CDH4: variants seen among roughly 807,000 people sequenced by gnomAD.
The protein encoded by CDH4 is cadherin-4.
CDH4 carries 33 observed loss-of-function variants against 86.0 expected under a neutral mutation model. The observed-to-expected ratio is 0.38, with a 90% CI of 0.29 to 0.51. The LOEUF is 0.51. Ranked by LOEUF, CDH4 falls within the 20% of genes least tolerant of loss-of-function variation. The pLI is 0.86. For missense variants in CDH4, 1,114 were observed against 1,307.4 expected (o/e 0.85, Z 2.28); for synonymous variants, 555 against 549.4 (o/e 1.01, Z -0.14).
At chr20:61,680,283 G>A (rs892449922) in intron 2 of CDH4, among the ~76,000 whole-genome samples, 2 of 152,208 alleles carry the variant, frequency 1.3e-5, no homozygotes, top group African/African-American at 4.8e-5. Flanking sequence ...TGCCAGGCTG[G>A]GACTAAGACG....
chr20:61,933,480 A>G (rs2055139391), intron 14 of CDH4, among the ~76,000 whole-genome samples: 1 of 152,184 alleles, frequency 6.6e-6, no homozygotes, highest in Non-Finnish European at 1.5e-5. Context: ...GACCAGGGGC[A>G]GTGCACCAGG....
chr20:61,630,166 C>T (rs552231550), intron 2 of CDH4, among the ~76,000 whole-genome samples: 52 of 152,342 alleles, frequency 3.4e-4, no homozygotes, highest in South Asian at 2.3e-3. Flanking sequence ...GGACCTCAGC[C>T]ACCATCCCCA....
intron 7 of CDH4, among the ~76,000 whole-genome samples, chr20:61,883,097 A>T (rs1046178180): frequency 7.8e-6 from 1 of 128,564 alleles, no homozygotes. Flanking sequence ...TTCCCCCGGC[A>T]CCCCAAGCCC....
chr20:61,706,226 C>G (rs1327182668), intron 2 of CDH4, among the ~76,000 whole-genome samples: 1 of 152,172 alleles, frequency 6.6e-6, no homozygotes, highest in East Asian at 1.9e-4. Flanking sequence ...AGGACCCTGT[C>G]TCAGAGGGTC....
At chr20:61,680,826 C>A (rs1265482808) in intron 2 of CDH4, among the ~76,000 whole-genome samples, 1 of 152,024 alleles carries the variant, frequency 6.6e-6, no homozygotes, top group Non-Finnish European at 1.5e-5. Context: ...TCCTGAGTTC[C>A]CCCCTGTGTC....
chr20:61,258,329 C>CAAAAAAAAAA (rs778048684), intron 2 of CDH4, among the ~76,000 whole-genome samples: 5,788 of 62,068 alleles, frequency 0.093, 609 homozygotes, highest in African/African-American at 0.15. Flanking sequence ...GACTCCGTCT[C>CAAAAAAAAAA]AAAAAAAAAA....
intron 4 of CDH4, among the ~76,000 whole-genome samples, chr20:61,776,587 G>A (rs562676209): frequency 8.5e-5 from 13 of 152,320 alleles, no homozygotes; most frequent in African/African-American, 2.9e-4. Context: ...TGCCCAGAAC[G>A]TCACTGCAGA....
At chr20:61,642,616 A>C (rs1033639954) in intron 2 of CDH4, among the ~76,000 whole-genome samples, 4 of 152,246 alleles carry the variant, frequency 2.6e-5, no homozygotes, top group Non-Finnish European at 5.9e-5. Context: ...TGAAGGCAGA[A>C]ATAAAAGTCC....
intron 2 of CDH4, among the ~76,000 whole-genome samples, chr20:61,350,800 A>T (rs2084707762): frequency 6.6e-6 from 1 of 152,262 alleles, no homozygotes; most frequent in Non-Finnish European, 1.5e-5. Flanking sequence ...TATGGGAAAG[A>T]TGATGCTGTG....
chr20:61,516,497 A>C lies in CDH4; in HGVS notation c.170-227066A>C, dbSNP rs1193148711. Among the ~76,000 whole-genome samples, 1 of 152,082 alleles carries C rather than the reference A, an allele frequency of 6.6e-6. No individual in the cohort carries two copies. The highest frequency in any genetic ancestry group is 2.4e-5 in the African/African-American group (1 of 41,420). On this transcript the variant is annotated intron_variant, in intron 2 of 15. Coordinates refer to ENST00000614565, the MANE Select transcript of CDH4 (RefSeq NM_001794.5). This position sits in a 1 kb window ranked among gnomAD's most constrained non-coding sequence, Gnocchi z 4.0. ...GCCCCAGAGGTCAAGCCAGATGTCC[A>C]TGTTGGGGAGTCTAACGGCAGGTTC...
intron 14 of CDH4, 141 bp from the exon 15 acceptor site, chr20:61,933,915 A>C (rs1198626893): frequency 2.3e-5 from 21 of 913,094 alleles, no homozygotes; most frequent in Non-Finnish European, 3.4e-5. Flanking sequence ...AGGGGACAGC[A>C]TGGTTCTGTG....
At chr20:61,484,079 C>T (rs575890504) in intron 2 of CDH4, among the ~76,000 whole-genome samples, 19 of 152,040 alleles carry the variant, frequency 1.2e-4, no homozygotes, top group Non-Finnish European at 2.5e-4. Context: ...TAAAGCATAG[C>T]CTTCGTCAAG....
chr20:61,429,441 A>G (rs1434418645), intron 2 of CDH4, among the ~76,000 whole-genome samples: 1 of 152,194 alleles, frequency 6.6e-6, no homozygotes, highest in African/African-American at 2.4e-5. Context: ...AGAGAGCGCA[A>G]CACCCAGTGA....
rs182233199 is a variant in CDH4, at chr20:61,918,802, G to A, written c.1375-4649G>A. Among the ~76,000 whole-genome samples, 36 of 152,278 alleles carry A rather than the reference G, an allele frequency of 2.4e-4. 1 individual carries two copies. Among genetic ancestry groups the A allele is most frequent in the African/African-American group, 7.5e-4 (31 of 41,554 alleles). ...TCTGCCACTCCCTGCAGACCCTCCTGGAGGCAGTCATGGGCTTCCAGGAGC... is the reference window on the plus strand; with the variant it reads ...TCTGCCACTCCCTGCAGACCCTCCTAGAGGCAGTCATGGGCTTCCAGGAGC... On this transcript the variant is annotated intron_variant, in intron 9 of 15. Transcript: ENST00000614565.
At chr20:61,454,445 A>AT (rs1174399504) in intron 2 of CDH4, among the ~76,000 whole-genome samples, 3 of 151,766 alleles carry the variant, frequency 2.0e-5, no homozygotes, top group South Asian at 2.1e-4. Context: ...AGGGAGGGGC[A>AT]TTTTTTTCTT....
At chr20:61,287,737 T>C (rs756688947) in intron 2 of CDH4, among the ~76,000 whole-genome samples, 5 of 152,132 alleles carry the variant, frequency 3.3e-5, no homozygotes, top group Non-Finnish European at 5.9e-5. Context: ...AGAGTCTGTG[T>C]CTGCATCCCT....
rs142222033 is a variant in CDH4 at position 61,666,297 on chromosome 20, C to T, written c.170-77266C>T. 4.5e-3 allele frequency among the ~76,000 whole-genome samples: 686 copies of T among 152,322 alleles called. 2 individuals are homozygous for T. Among genetic ancestry groups the T allele is most frequent in the Non-Finnish European group, 6.6e-3 (449 of 68,040 alleles). On this transcript the variant is annotated intron_variant, in intron 2 of 15. Coordinates refer to ENST00000614565, the MANE Select transcript of CDH4 (RefSeq NM_001794.5). The stretch of plus-strand genomic sequence containing the variant: ...GCCACGGTGCCTGGAGCTGGGGAGT[C>T]GGCCCTGTAGACGAACTTGAAATTC...
chr20:61,513,299 G>A (rs1158553858), intron 2 of CDH4, among the ~76,000 whole-genome samples: 2 of 152,206 alleles, frequency 1.3e-5, no homozygotes, highest in African/African-American at 4.8e-5. Context: ...GGTGGAAAGG[G>A]AACATCCACG....
At chr20:61,886,567 T>G (rs755762608) in intron 7 of CDH4, among the ~76,000 whole-genome samples, 3 of 152,174 alleles carry the variant, frequency 2.0e-5, no homozygotes, top group Non-Finnish European at 4.4e-5. Flanking sequence ...GGACTCCCGC[T>G]GCCCGCCCAG....
Sources: allele counts gnomAD v4.1 joint callset (sites outside exome capture counted in the v4.1 genomes callset), GRCh38; gene constraint gnomAD v4.1.1; non-coding constraint Gnocchi (gnomAD v3.1); transcripts MANE v1.5; gene names NCBI Gene and HGNC (gene_info 2026-07-23, HGNC 2026-07-21).